The following AGMAT variants were observed in gnomAD, a reference collection of about 807,000 sequenced individuals.
AGMAT encodes agmatinase (putative), also known as guanidino acid hydrolase, mitochondrial.
AGMAT carries 37 observed loss-of-function variants against 29.3 expected under a neutral mutation model. The ratio of observed to expected loss-of-function variants is 1.26; its 90% CI spans 0.97 to 1.66. The LOEUF (loss-of-function observed/expected upper bound fraction) is 1.66, where lower values mean the gene tolerates loss of function less well. Ranked by LOEUF, AGMAT falls within the 40% of genes most tolerant of loss-of-function variation. The pLI, the probability that AGMAT is intolerant of heterozygous loss-of-function variation, is 0.00. For synonymous variants in AGMAT, 199 were observed against 200.8 expected (o/e 0.99, Z 0.08); for missense variants, 498 against 497.8 (o/e 1.00, Z 0.00).
intron 5 of AGMAT, chr1:15,576,086 C>G (rs561236862): frequency 3.3e-5 from 5 of 151,790 alleles, no homozygotes; most frequent in African/African-American, 9.7e-5. Context: ...AAATTTAACC[C>G]TAAAAAGATA....
At position 15,575,728 on chromosome 1, in the gene AGMAT, CT is replaced by C. The variant is rs1217832318; in HGVS notation, c.901-888del. On this transcript the variant is annotated intron_variant, in intron 5 of 6. Transcript: ENST00000375826. ...GCAGGTAATTGTGCCATCACATGCACTTTTATTTATTTATTTATTTATTTAT... is the reference window on the plus strand; with the variant it reads ...GCAGGTAATTGTGCCATCACATGCACTTTATTTATTTATTTATTTATTTAT... The C allele has an allele frequency of 2.9e-4, 39 of 133,420 alleles. No individual in the cohort carries two copies. In the East Asian group the frequency reaches 3.1e-3, roughly 11 times the overall value. 8.3% of individuals were successfully genotyped at this position (133,420 alleles called of 1,614,324 possible).
rs1570938936 is a variant in AGMAT, at chr1:15,573,476, A to G, written c.*175T>C. The G allele has an allele frequency of 3.6e-6, 2 of 562,210 alleles. No individual in the cohort carries two copies. The highest frequency in any genetic ancestry group is 5.8e-5 in the East Asian group (2 of 34,300). The allele number at this position is 562,210 out of a possible 1,614,324, so 34.8% of individuals were successfully genotyped here. On this transcript the variant is annotated 3_prime_UTR_variant, in exon 7 of 7. Transcript: ENST00000375826. ...CCCAATTAATCCAAGTTCCTTAGAAATGTTGCTGTTTGGGTGAGAATTCTA... is the reference window on the plus strand; with the variant it reads ...CCCAATTAATCCAAGTTCCTTAGAAGTGTTGCTGTTTGGGTGAGAATTCTA...
At chr1:15,576,954 G>T (rs898836347) in intron 5 of AGMAT, among the ~76,000 whole-genome samples, 1 of 141,418 alleles carries the variant, frequency 7.1e-6, no homozygotes, top group Admixed American at 7.1e-5. Context: ...GTTTCACCGT[G>T]TTAGCCAAGA....
chr1:15,576,905 G>A (rs79336121), intron 5 of AGMAT, among the ~76,000 whole-genome samples: 42,009 of 150,354 alleles, frequency 0.28, 6,732 homozygotes, highest in African/African-American at 0.43. Context: ...ACCCGCCACC[G>A]CGCCCGGCTA....
At chr1:15,583,101 A>T (rs1202913616) in intron 2 of AGMAT, 92 bp downstream of exon 2, 2 of 1,164,178 alleles carry the variant, frequency 1.7e-6, no homozygotes, top group African/African-American at 3.3e-5. Flanking sequence ...AGTGGCTTGC[A>T]GGGGAGAAGT....
chr1:15,581,629 T>C (rs10927803), intron 2 of AGMAT, among the ~76,000 whole-genome samples: 94,285 of 150,620 alleles, frequency 0.63, 30,444 homozygotes, highest in African/African-American at 0.79. Context: ...AATCCCAGCA[T>C]TTTGGGAAGC....
At chr1:15,576,740 C>CTTTTTTTTTTTTTTTTT (rs59203066) in intron 5 of AGMAT, among the ~76,000 whole-genome samples, 407 of 35,780 alleles carry the variant, frequency 0.011, 125 homozygotes, top group Middle Eastern at 0.031. Context: ...GTTTAGTGTT[C>CTTTTTTTTTTTTTTTTT]TTTTTTTTTT....
intron 5 of AGMAT, chr1:15,575,460 T>C (rs903702268): frequency 3.3e-5 from 5 of 152,830 alleles, no homozygotes; most frequent in African/African-American, 9.7e-5. Flanking sequence ...TTTAAGATCT[T>C]AGAGGATGTA....
At chr1:15,574,662 G>T (rs1639006545) in intron 6 of AGMAT, 95 bp downstream of exon 6, 2 of 1,125,586 alleles carry the variant, frequency 1.8e-6, no homozygotes, top group Non-Finnish European at 2.6e-6. Context: ...ACAGGCTTGG[G>T]CCACCATGCC....
At chr1:15,577,316 C>T (rs372623836) in intron 5 of AGMAT, among the ~76,000 whole-genome samples, 2 of 151,912 alleles carry the variant, frequency 1.3e-5, no homozygotes, top group Admixed American at 6.6e-5. Context: ...GGCTGACACC[C>T]GTAATCCCAG....
In AGMAT at chr1:15,573,128, AGG is replaced by A. The variant is rs1400242970; in HGVS notation, c.*521_*522del. The A allele has an allele frequency of 2.0e-5, 3 of 152,982 alleles. No individual in the cohort carries two copies. Among genetic ancestry groups the A allele is most frequent in the Non-Finnish European group, 4.4e-5 (3 of 68,844 alleles). The allele number at this position is 152,982 out of a possible 1,614,324, so 9.5% of individuals were successfully genotyped here. A position where few individuals can be genotyped will look rare whatever the true frequency, so the allele number is the denominator to read the frequency against. On this transcript the variant is annotated 3_prime_UTR_variant, in exon 7 of 7. Transcript: ENST00000375826. The stretch of plus-strand genomic sequence containing the variant: ...ACAAAAATTAGCCAGGCGTGGTGGC[AGG>A]CACCTGTAATCCCAGGTACTCAGGA...
rs1208445224 is a variant in AGMAT, at chr1:15,574,854, A to G, written c.901-13T>C. ...TGATCTCCAGAGCCTATTCAAGATC[A>G]AGACTGAGTTGTCCACAGTGGTAAT... On this transcript the variant is annotated splice_polypyrimidine_tract_variant and intron_variant, in intron 5 of 6. Coordinates refer to ENST00000375826, the MANE Select transcript of AGMAT (RefSeq NM_024758.5). The G allele has an allele frequency of 6.2e-7, 1 of 1,608,062 alleles. No homozygotes were observed. Among genetic ancestry groups the G allele is most frequent in the South Asian group, 1.1e-5 (1 of 90,962 alleles).
chr1:15,576,691 G>T (rs543868150), intron 5 of AGMAT, among the ~76,000 whole-genome samples: 153 of 149,082 alleles, frequency 1.0e-3, no homozygotes, highest in Non-Finnish European at 1.6e-3. Context: ...GCCTCCCAGA[G>T]TGCTGGGATT....
intron 4 of AGMAT, 80 bp from the exon 5 acceptor site, chr1:15,577,944 G>A (rs932213005): frequency 1.5e-6 from 2 of 1,366,932 alleles, no homozygotes; most frequent in Non-Finnish European, 2.0e-6. Flanking sequence ...GCTCAGCTCT[G>A]TGTGCACATG....
intron 5 of AGMAT, among the ~76,000 whole-genome samples, chr1:15,576,737 G>GTTTTTTTTTTTTTT (rs1420717123): frequency 4.4e-4 from 14 of 31,596 alleles, no homozygotes; most frequent in South Asian, 2.9e-3. Flanking sequence ...CAAGTTTAGT[G>GTTTTTTTTTTTTTT]TTCTTTTTTT....
chr1:15,578,255 T>C (rs1639065834), intron 4 of AGMAT, among the ~76,000 whole-genome samples: 2 of 152,008 alleles, frequency 1.3e-5, no homozygotes, highest in Non-Finnish European at 2.9e-5. Flanking sequence ...GGACCAGAAC[T>C]AAGAAGGTGG....
intron 5 of AGMAT, among the ~76,000 whole-genome samples, chr1:15,576,498 C>A (rs1639038640): frequency 6.6e-6 from 1 of 151,394 alleles, no homozygotes; most frequent in Non-Finnish European, 1.5e-5. Flanking sequence ...GGCACGATCT[C>A]AGCTCACTGC....
At position 15,583,377 on chromosome 1, in the gene AGMAT, G is replaced by C; in HGVS notation, c.291C>G (p.Ile97Met). The C allele has an allele frequency of 6.2e-7, 1 of 1,613,770 alleles. No individual in the cohort carries two copies. Among genetic ancestry groups the C allele is most frequent in the Non-Finnish European group, 8.5e-7 (1 of 1,179,928 alleles). Residue 97 changes from isoleucine (I) to methionine (M), a missense_variant, in exon 2 of 7, where the codon ATC becomes ATG. Transcript: ENST00000375826. Reference sequence around the variant, plus strand: ...TCCCAAGCATCACTGATTCTTCCCGGATGCGGCGAGGTCCGAATCTGCAGA... The same window carrying C: ...TCCCAAGCATCACTGATTCTTCCCGCATGCGGCGAGGTCCGAATCTGCAGA... ...RPGARFGPRRIREESVMLGTV... is the reference protein window; with the variant it reads ...RPGARFGPRRMREESVMLGTV...
At chr1:15,575,396 G>A (rs1639023178) in intron 5 of AGMAT, 2 of 152,908 alleles carry the variant, frequency 1.3e-5, no homozygotes, top group Non-Finnish European at 2.9e-5. Flanking sequence ...AATCCCTCAT[G>A]AGAAGAGAGG....
Sources: allele counts gnomAD v4.1 joint callset (sites outside exome capture counted in the v4.1 genomes callset), GRCh38; gene constraint gnomAD v4.1.1; transcripts MANE v1.5; gene names NCBI Gene and HGNC (gene_info 2026-07-23, HGNC 2026-07-21).